Variants in RBFOX1 observed in about 807,000 individuals in gnomAD.
The protein encoded by RBFOX1 is RNA binding protein fox-1 homolog 1.
RBFOX1 carries 8 observed loss-of-function variants against 57.7 expected under a neutral mutation model. The observed-to-expected ratio is 0.14, with a 90% CI of 0.08 to 0.25. The LOEUF is 0.25. Among genes scored for constraint, RBFOX1 ranks in the 10% least tolerant of loss-of-function variants. The pLI is 1.00. For synonymous variants in RBFOX1, 326 were observed against 222.4 expected (o/e 1.47, Z -4.15); for missense variants, 611 against 548.5 (o/e 1.11, Z -1.14).
At position 7,432,430 on chromosome 16, in the gene RBFOX1, T is replaced by A. The variant is rs76469196; in HGVS notation, c.28-85717T>A. ...GTGAATTCTCCTAATGCAATCGTTGTGCTTACTGAGGCTGCTTGGAGAGAC... is the reference window on the plus strand; with the variant it reads ...GTGAATTCTCCTAATGCAATCGTTGAGCTTACTGAGGCTGCTTGGAGAGAC... On this transcript the variant is annotated intron_variant, in intron 4 of 15. Coordinates refer to ENST00000550418, the MANE Select transcript of RBFOX1 (RefSeq NM_018723.4). Among the ~76,000 whole-genome samples the A allele has an allele frequency of 3.5e-3, 529 of 152,312 alleles. 1 individual carries two copies. The highest frequency in any genetic ancestry group is 0.012 in the African/African-American group (512 of 41,576).
At chr16:6,150,213 G>C (rs1173497166) in intron 1 of RBFOX1, among the ~76,000 whole-genome samples, 1 of 152,188 alleles carries the variant, frequency 6.6e-6, no homozygotes, top group African/African-American at 2.4e-5. Context: ...GGGTTGAAGA[G>C]AGGATCTTGA....
chr16:7,105,361 C>T (rs1008351432), intron 4 of RBFOX1, among the ~76,000 whole-genome samples: 4 of 149,476 alleles, frequency 2.7e-5, no homozygotes, highest in African/African-American at 4.9e-5. Flanking sequence ...TTTCGGGGAA[C>T]GGGTGGTGTT....
intron 3 of RBFOX1, among the ~76,000 whole-genome samples, chr16:5,841,444 A>T (rs2056622810): frequency 6.6e-6 from 1 of 152,188 alleles, no homozygotes; most frequent in African/African-American, 2.4e-5. Context: ...GGGAGGGCCC[A>T]AGAGAATAAT....
At chr16:6,177,186 GTT>G (rs569428293) in intron 1 of RBFOX1, among the ~76,000 whole-genome samples, 30 of 128,598 alleles carry the variant, frequency 2.3e-4, no homozygotes, top group African/African-American at 4.8e-4. Flanking sequence ...TTTCTTGTTT[GTT>G]TTTTTTTTTT....
Position 5,820,171 on chromosome 16 carries a change from C to T in RBFOX1, c.319-47132C>T, listed in dbSNP as rs546391759. Among the ~76,000 whole-genome samples the T allele has an allele frequency of 2.6e-5, 4 of 152,338 alleles. No individual in the cohort carries two copies. In the East Asian group the frequency reaches 5.8e-4, roughly 22 times the overall value. On this transcript the variant is annotated intron_variant, in intron 3 of 19. Transcript: ENST00000641259. ...ATTCCCATTTTATAGATGGAGGAAG[C>T]AGAGCTCATGGGGATTAAAACACTT...
At chr16:5,688,534 G>A (rs1335318263) in intron 3 of RBFOX1, among the ~76,000 whole-genome samples, 1 of 152,174 alleles carries the variant, frequency 6.6e-6, no homozygotes, top group African/African-American at 2.4e-5. Context: ...CAGATGTCCA[G>A]TGATGTTCCC....
intron 3 of RBFOX1, among the ~76,000 whole-genome samples, chr16:5,796,019 C>T (rs2054866961): frequency 6.6e-6 from 1 of 152,224 alleles, no homozygotes; most frequent in South Asian, 2.1e-4. Context: ...CTGTGCAATG[C>T]ATTGTAGATT....
chr16:7,629,548 C>T (rs1164584280), intron 10 of RBFOX1, among the ~76,000 whole-genome samples: 2 of 152,144 alleles, frequency 1.3e-5, no homozygotes, highest in East Asian at 3.9e-4. Flanking sequence ...GAGGTATTTC[C>T]ATCACCAGTA....
intron 2 of RBFOX1, among the ~76,000 whole-genome samples, chr16:6,584,794 G>A (rs949522495): frequency 3.3e-5 from 5 of 152,146 alleles, no homozygotes; most frequent in African/African-American, 1.2e-4. Flanking sequence ...GATCACTGAA[G>A]GATTGTGATT....
intron 3 of RBFOX1, among the ~76,000 whole-genome samples, chr16:6,783,367 T>C (rs2081355959): frequency 6.6e-6 from 1 of 151,180 alleles, no homozygotes; most frequent in Admixed American, 6.6e-5. Context: ...TTTCTGGTAA[T>C]GTTTTAATTT....
rs187280127 is a variant in RBFOX1 at position 5,590,598 on chromosome 16, C to T, written c.259-8304C>T. Among the ~76,000 whole-genome samples, 137 of 152,242 alleles carry T rather than the reference C, an allele frequency of 9.0e-4. 1 individual carries two copies. Among genetic ancestry groups the T allele is most frequent in the African/African-American group, 3.1e-3 (128 of 41,534 alleles). On this transcript the variant is annotated intron_variant, in intron 2 of 2. Coordinates refer to the RBFOX1 transcript ENST00000585867. ...TGATGGAGGAATGGGGTGGTGGTAG[C>T]GGACTGTCTGCCAAAGATTCAAATT...
At chr16:6,518,820 T>A (rs1273499859) in intron 2 of RBFOX1, among the ~76,000 whole-genome samples, 2 of 118,870 alleles carry the variant, frequency 1.7e-5, no homozygotes, top group African/African-American at 6.3e-5. Flanking sequence ...TCTATCTATC[T>A]ATCTATCTAT....
chr16:7,333,001 C>A (rs2096719509), intron 4 of RBFOX1: 2 of 1,613,650 alleles, frequency 1.2e-6, no homozygotes, highest in Non-Finnish European at 1.7e-6. Flanking sequence ...CTACGTAAAG[C>A]ATGCTGGCGT....
intron 4 of RBFOX1, among the ~76,000 whole-genome samples, chr16:7,459,700 T>C (rs1459663398): frequency 6.6e-6 from 1 of 152,218 alleles, no homozygotes; most frequent in East Asian, 1.9e-4. Context: ...CATTTCAAAA[T>C]ATTGCTTGCA....
At chr16:6,807,949 A>C (rs1324237397) in intron 3 of RBFOX1, among the ~76,000 whole-genome samples, 1 of 149,102 alleles carries the variant, frequency 6.7e-6, no homozygotes, top group Non-Finnish European at 1.5e-5. Context: ...CATATGTAAT[A>C]TATGCATTAT....
chr16:6,523,059 C>T (rs1045570153), intron 2 of RBFOX1, among the ~76,000 whole-genome samples: 13 of 152,154 alleles, frequency 8.5e-5, no homozygotes, highest in Admixed American at 7.2e-4. Flanking sequence ...GCATTTAATA[C>T]GTTTATTCAT....
At chr16:7,286,616 A>ATTT (rs61621368) in intron 4 of RBFOX1, among the ~76,000 whole-genome samples, 1,307 of 90,904 alleles carry the variant, frequency 0.014, 36 homozygotes, top group East Asian at 0.049. Context: ...GGACTGGCTA[A>ATTT]TTTTTTTTTT....
chr16:6,029,962 G>C (rs2095265246), intron 1 of RBFOX1, among the ~76,000 whole-genome samples: 1 of 152,130 alleles, frequency 6.6e-6, no homozygotes, highest in Non-Finnish European at 1.5e-5. Context: ...TGCCCAGGCT[G>C]GAGTGCAGTG....
At chr16:6,276,722 C>G (rs2075840892) in intron 1 of RBFOX1, among the ~76,000 whole-genome samples, 1 of 152,146 alleles carries the variant, frequency 6.6e-6, no homozygotes, top group Non-Finnish European at 1.5e-5. Flanking sequence ...ATTAAGTTCC[C>G]AAGAAGTTCT....
Sources: allele counts gnomAD v4.1 joint callset (sites outside exome capture counted in the v4.1 genomes callset), GRCh38; gene constraint gnomAD v4.1.1; transcripts MANE v1.5; gene names NCBI Gene and HGNC (gene_info 2026-07-23, HGNC 2026-07-21).